DHX15: variants seen among roughly 807,000 people sequenced by gnomAD.
The protein encoded by DHX15 is DEAH-box helicase 15.
Under a neutral mutation model 94.4 loss-of-function variants are expected in DHX15, and 11 were observed. That is an observed-to-expected ratio of 0.12 (90% CI 0.07 to 0.19). The LOEUF is 0.19. DHX15 is among the 10% of genes least tolerant of loss of function. DHX15 has a pLI of 1.00. For synonymous variants in DHX15, 338 were observed against 329.9 expected (o/e 1.02, Z -0.27); for missense variants, 304 against 988.5 (o/e 0.31, Z 9.29).
intron 1 of DHX15, among the ~76,000 whole-genome samples, chr4:24,578,854 G>GAAAGGTGAGTAAAAGGGGAAAATCAAA (rs1722342396): frequency 6.6e-6 from 1 of 152,132 alleles, no homozygotes; most frequent in Non-Finnish European, 1.5e-5. Flanking sequence ...GAGCTACCAT[G>GAAAGGTGAGTAAAAGGGGAAAATCAAA]CCCAGCCTAG....
intron 3 of DHX15, among the ~76,000 whole-genome samples, chr4:24,570,283 T>G (rs1180478566): frequency 6.6e-6 from 1 of 151,004 alleles, no homozygotes; most frequent in African/African-American, 2.5e-5. Context: ...TCACATCCCA[T>G]CCTATACATT....
At chr4:24,566,123 AGTC>A (rs1012363223) in intron 3 of DHX15, among the ~76,000 whole-genome samples, 3 of 151,448 alleles carry the variant, frequency 2.0e-5, no homozygotes, top group African/African-American at 7.3e-5. Flanking sequence ...AGCTCACCTC[AGTC>A]TCAAACTCTT....
chr4:24,570,914 G>T, intron 2 of DHX15, 67 bp from the exon 3 acceptor site: 1 of 1,487,410 alleles, frequency 6.7e-7, no homozygotes, highest in Non-Finnish European at 9.2e-7. Context: ...GTAACATAAA[G>T]CACTTTATCT....
chr4:24,576,424 G>A lies in DHX15; in HGVS notation c.326C>T (p.Thr109Met), dbSNP rs746220183. The A allele has an allele frequency of 1.4e-5, 22 of 1,614,192 alleles. No individual in the cohort carries two copies. The highest frequency in any genetic ancestry group is 1.7e-5 in the Admixed American group (1 of 60,024). The change falls in exon 2 of 14, where the codon ACG becomes ATG. Residue 109 changes from threonine to methionine, a missense_variant. Thr to Met is a moderately conservative substitution (Grantham distance 81). This residue lies in a region of DHX15 where 143 missense variants were observed against 200.5 expected (regional missense o/e 0.71). Coordinates refer to ENST00000336812, the MANE Select transcript of DHX15 (RefSeq NM_001358.3). ...HSTHAGHAGH[T>M]SLPQCINPFT... is the part of the protein sequence containing the mutation. Reference sequence around the variant, plus strand: ...CGGATTAATGCACTGTGGAAGTGACGTGTGACCTGCATGTCCGGCATGCGT... The same window carrying A: ...CGGATTAATGCACTGTGGAAGTGACATGTGACCTGCATGTCCGGCATGCGT...
intron 1 of DHX15, among the ~76,000 whole-genome samples, chr4:24,578,784 T>C (rs1234331255): frequency 2.0e-5 from 3 of 152,068 alleles, no homozygotes; most frequent in Non-Finnish European, 4.4e-5. Flanking sequence ...AGGATGGTTT[T>C]CAACTCCTGG....
chr4:24,569,672 ACT>A (rs1263632195), intron 3 of DHX15, among the ~76,000 whole-genome samples: 1 of 151,590 alleles, frequency 6.6e-6, no homozygotes, highest in African/African-American at 2.4e-5. Context: ...GACAACAAAG[ACT>A]CTGACAACAA....
chr4:24,534,748 A>T (rs1255137426), intron 11 of DHX15, among the ~76,000 whole-genome samples: 1 of 152,194 alleles, frequency 6.6e-6, no homozygotes. Flanking sequence ...ATGACATTTT[A>T]GCTTCACTAT....
chr4:24,581,813 T>C (rs927275106), intron 1 of DHX15, among the ~76,000 whole-genome samples: 3 of 152,194 alleles, frequency 2.0e-5, no homozygotes, highest in Non-Finnish European at 4.4e-5. Context: ...GGTAATTGTA[T>C]AGTGAAGATT....
chr4:24,576,315 C>T lies in DHX15; in HGVS notation c.435G>A (p.Arg145=), dbSNP rs143741145. Residue 145 remains arginine, a synonymous_variant, in exon 2 of 14, where the codon AGG becomes AGA. Coordinates refer to ENST00000336812, the MANE Select transcript of DHX15 (RefSeq NM_001358.3). ...LQLPVWEYKD[R]FTDILVRHQS... is the part of the protein sequence containing the mutation. The stretch of plus-strand genomic sequence containing the variant: ...GATGTCTAACCAGAATATCTGTAAA[C>T]CTATCCTTGTATTCCCAAACAGGGA... 2.0e-5 allele frequency: 33 copies of T among 1,614,196 alleles called. No individual in the cohort carries two copies. The African/African-American group carries it at 2.7e-4, about 13-fold the overall frequency.
intron 2 of DHX15, among the ~76,000 whole-genome samples, chr4:24,575,900 A>T (rs1195058797): frequency 6.6e-6 from 1 of 152,212 alleles, no homozygotes; most frequent in Non-Finnish European, 1.5e-5. Flanking sequence ...ACCATATTAA[A>T]TACAAACGAC....
chr4:24,549,863 G>A (rs1721549400), intron 5 of DHX15, among the ~76,000 whole-genome samples: 1 of 152,024 alleles, frequency 6.6e-6, no homozygotes, highest in Non-Finnish European at 1.5e-5. Flanking sequence ...GGAGGCCGAG[G>A]TGGGCGGATC....
Position 24,541,897 on chromosome 4 carries a change from C to T in DHX15, c.1461G>A (p.Glu487=). Residue 487 remains glutamate (E), a synonymous_variant, in exon 8 of 14, where the codon GAG becomes GAA. Coordinates refer to ENST00000336812, the MANE Select transcript of DHX15 (RefSeq NM_001358.3). The stretch of plus-strand genomic sequence containing the variant: ...CCTGCATTTCTGTTTTATAAGCTTT[C>T]TCTGTGTAAAGTCTGAAGCATTTTC... The part of the protein sequence containing the change: ...RPGKCFRLYT[E]KAYKTEMQDN... 6.2e-7 allele frequency: 1 copy of T among 1,601,746 alleles called. No homozygotes were observed. Among genetic ancestry groups the T allele is most frequent in the South Asian group, 1.1e-5 (1 of 89,804 alleles).
chr4:24,535,484 C>T (rs185156873), intron 11 of DHX15, among the ~76,000 whole-genome samples: 20 of 152,150 alleles, frequency 1.3e-4, no homozygotes, highest in African/African-American at 4.1e-4. Flanking sequence ...AAGTCTTTAA[C>T]GCTAGGTAAT....
chr4:24,574,406 C>G (rs1008118677), intron 2 of DHX15, among the ~76,000 whole-genome samples: 6 of 152,004 alleles, frequency 3.9e-5, no homozygotes, highest in Non-Finnish European at 5.9e-5. Context: ...AGATGTGCTG[C>G]AATCCTCAGT....
Position 24,576,289 on chromosome 4 carries a change from T to C in DHX15, c.461A>G (p.Gln154Arg). 6.2e-7 allele frequency: 1 copy of C among 1,614,234 alleles called. No individual in the cohort carries two copies. Among genetic ancestry groups the C allele is most frequent in the Non-Finnish European group, 8.5e-7 (1 of 1,180,034 alleles). Reference sequence around the variant, plus strand: ...AGTCTCACCAACCAGTACAAAGGACTGATGTCTAACCAGAATATCTGTAAA... The same window carrying C: ...AGTCTCACCAACCAGTACAAAGGACCGATGTCTAACCAGAATATCTGTAAA... ...DRFTDILVRH[Q>R]SFVLVGETGS... is the part of the protein sequence containing the mutation. The change falls in exon 2 of 14, where the codon CAG becomes CGG. Residue 154 changes from glutamine (Q) to arginine (R), a missense_variant. Gln to Arg is a conservative substitution (Grantham distance 43). This residue lies in a region of DHX15 where 143 missense variants were observed against 200.5 expected (regional missense o/e 0.71). Coordinates refer to ENST00000336812, the MANE Select transcript of DHX15 (RefSeq NM_001358.3).
chr4:24,578,696 A>G (rs1722337037), intron 1 of DHX15, among the ~76,000 whole-genome samples: 2 of 151,948 alleles, frequency 1.3e-5, no homozygotes, highest in African/African-American at 2.4e-5. Context: ...CTCCCGAGTA[A>G]CTGGGACTAC....
At chr4:24,576,902 T>C (rs1470599206) in intron 1 of DHX15, among the ~76,000 whole-genome samples, 1 of 152,182 alleles carries the variant, frequency 6.6e-6, no homozygotes, top group Non-Finnish European at 1.5e-5. Flanking sequence ...TCCTTAACTT[T>C]TAACATTAGG....
chr4:24,547,901 G>GTATATA (rs1560765687), intron 6 of DHX15, among the ~76,000 whole-genome samples: 5 of 14,176 alleles, frequency 3.5e-4, no homozygotes, highest in Admixed American at 9.3e-4. Flanking sequence ...ATGTATGTAT[G>GTATATA]TGTATATATA....
chr4:24,531,098 T>G (rs1560759444), intron 12 of DHX15, among the ~76,000 whole-genome samples: 2 of 151,906 alleles, frequency 1.3e-5, no homozygotes, highest in South Asian at 4.2e-4. Flanking sequence ...CAATTTTTTT[T>G]TTTTTTTTGA....
Sources: gnomAD v4.1 joint callset for allele counts (sites outside exome capture counted in the v4.1 genomes callset) on GRCh38, gnomAD v4.1.1 for gene constraint, gnomAD v4.1.1 regional missense constraint, MANE v1.5 for transcripts, NCBI Gene and HGNC (gene_info 2026-07-23, HGNC 2026-07-21) for gene names.